KIAA1549L: variants seen among roughly 807,000 people sequenced by gnomAD.
KIAA1549L encodes UPF0606 protein KIAA1549L.
In KIAA1549L, 88 loss-of-function variants were observed where a neutral mutation model predicts 160.7. The observed-to-expected ratio is 0.55, with a 90% CI of 0.46 to 0.65. The LOEUF is 0.65. Ranked by LOEUF, KIAA1549L falls within the 30% of genes least tolerant of loss-of-function variation. The probability of loss-of-function intolerance (pLI) is 0.00; values close to 1 mark genes in which losing one functional copy is unlikely to be tolerated. For synonymous variants in KIAA1549L, 950 were observed against 976.7 expected (o/e 0.97, Z 0.51); for missense variants, 2,258 against 2,437.5 (o/e 0.93, Z 1.55).
At chr11:33,391,617 T>C (rs1590214871) in intron 1 of KIAA1549L, among the ~76,000 whole-genome samples, 1 of 152,206 alleles carries the variant, frequency 6.6e-6, no homozygotes, top group Non-Finnish European at 1.5e-5. Context: ...GAGTCTTGGC[T>C]TCAGTGTGCT....
At chr11:33,401,982 C>T (rs1850510509) in intron 1 of KIAA1549L, among the ~76,000 whole-genome samples, 1 of 152,224 alleles carries the variant, frequency 6.6e-6, no homozygotes, top group Non-Finnish European at 1.5e-5. Context: ...TCCCTCTGCT[C>T]CAGCCAGTTG....
At chr11:33,462,704 T>G (rs1385832680) in intron 1 of KIAA1549L, among the ~76,000 whole-genome samples, 2 of 152,212 alleles carry the variant, frequency 1.3e-5, no homozygotes, top group Non-Finnish European at 2.9e-5. Flanking sequence ...TTAACTTCCC[T>G]GTTTTCCAGT....
At chr11:33,581,849 A>G (rs1855655006) in intron 10 of KIAA1549L, among the ~76,000 whole-genome samples, 1 of 152,230 alleles carries the variant, frequency 6.6e-6, no homozygotes, top group African/African-American at 2.4e-5. Context: ...CTGTTTATGT[A>G]AATGAAGGTG....
chr11:33,605,348 CA>C (rs779762951), intron 13 of KIAA1549L, among the ~76,000 whole-genome samples: 1 of 152,084 alleles, frequency 6.6e-6, no homozygotes, highest in South Asian at 2.1e-4. Flanking sequence ...GCTTGTATAG[CA>C]AGTGTCCAGG....
In KIAA1549L at chr11:33,668,109, C is replaced by A. The variant is rs771446367; in HGVS notation, c.6396C>A (p.Ala2132=). Residue 2132 remains alanine, a synonymous_variant, in exon 21 of 21, where the codon GCC becomes GCA. Transcript: ENST00000658780. ...ALVKAIREEV[A]KLAKKQTDMF... is the part of the protein sequence containing the mutation. ...TGAAGGCCATCCGGGAGGAGGTGGC[C>A]AAGCTGGCCAAAAAACAGACAGACA... is the stretch of plus-strand genomic sequence containing the variant. 1 of 1,613,932 alleles carries A rather than the reference C, an allele frequency of 6.2e-7. No individual in the cohort carries two copies. Among genetic ancestry groups the A allele is most frequent in the Non-Finnish European group, 8.5e-7 (1 of 1,179,868 alleles).
At chr11:33,475,078 T>C (rs77305722) in intron 1 of KIAA1549L, among the ~76,000 whole-genome samples, 3,181 of 152,208 alleles carry the variant, frequency 0.021, 102 homozygotes, top group African/African-American at 0.069. Context: ...AAGCAGCGAG[T>C]GTGCAAAAGA....
At chr11:33,531,323 A>C (rs1238274929) in intron 1 of KIAA1549L, among the ~76,000 whole-genome samples, 2 of 152,056 alleles carry the variant, frequency 1.3e-5, no homozygotes, top group African/African-American at 4.8e-5. Context: ...AAATACAAAA[A>C]ATTTAGCCAG....
chr11:33,394,414 TAAATAAACAAACAA>T (rs1850330539), intron 1 of KIAA1549L, among the ~76,000 whole-genome samples: 2 of 25,794 alleles, frequency 7.8e-5, no homozygotes, highest in Non-Finnish European at 2.5e-4. Flanking sequence ...AATAAATAAA[TAAATAAACAAACAA>T]TAAACAATAA....
chr11:33,553,725 A>C (rs776149681), intron 6 of KIAA1549L, among the ~76,000 whole-genome samples: 1 of 152,190 alleles, frequency 6.6e-6, no homozygotes, highest in Non-Finnish European at 1.5e-5. Flanking sequence ...GCATGAGCCT[A>C]GTTAGATCTT....
In KIAA1549L at chr11:33,656,057, C is replaced by A. The variant is rs1852053276; in HGVS notation, c.5806C>A (p.Pro1936Thr). The A allele has an allele frequency of 6.2e-7, 1 of 1,613,876 alleles. No individual in the cohort carries two copies. The highest frequency in any genetic ancestry group is 8.5e-7 in the Non-Finnish European group (1 of 1,179,884). Residue 1936 changes from proline to threonine, a missense_variant, in exon 18 of 21, where the codon CCT (proline) becomes ACT (threonine). Pro to Thr is a conservative substitution (Grantham distance 38, BLOSUM62 -1). This residue lies in a region of KIAA1549L where 1,359 missense variants were observed against 1,546.6 expected (regional missense o/e 0.88). Coordinates refer to ENST00000658780, the MANE Select transcript of KIAA1549L (RefSeq NM_012194.3). ...TCCTGAGATGGTCATGGGCTCACCG[C>A]CTCCACCCGTACCTCCCCGGACTGG... ...QLPEMVMGSP[P>T]PPVPPRTGPV...
At chr11:33,455,701 A>C (rs1042210439) in intron 1 of KIAA1549L, among the ~76,000 whole-genome samples, 1 of 152,204 alleles carries the variant, frequency 6.6e-6, no homozygotes, top group African/African-American at 2.4e-5. Context: ...GGGCCCTCTG[A>C]GAGACATTTT....
At chr11:33,561,428 G>C (rs1322185840) in intron 7 of KIAA1549L, among the ~76,000 whole-genome samples, 1 of 152,122 alleles carries the variant, frequency 6.6e-6, no homozygotes, top group Non-Finnish European at 1.5e-5. Flanking sequence ...CACAAAGCAG[G>C]ATTTAGCCGC....
chr11:33,574,679 C>G, intron 9 of KIAA1549L, 23 bp from the exon 10 acceptor site: 3 of 1,600,642 alleles, frequency 1.9e-6, no homozygotes, highest in Non-Finnish European at 2.6e-6. Flanking sequence ...CCTGCAAACA[C>G]TCGGCCTCTC....
rs367624101 is a variant in KIAA1549L, at chr11:33,553,219, C to G, written c.3855+978C>G. ...CTCCATATATTGCCTAAGCTGGTCT[C>G]TAACTCCTGGGCTCAAGCAATTCTC... On this transcript the variant is annotated intron_variant, in intron 6 of 20. Coordinates refer to ENST00000658780, the MANE Select transcript of KIAA1549L (RefSeq NM_012194.3). 1.7e-3 allele frequency among the ~76,000 whole-genome samples: 252 copies of G among 152,182 alleles called. 10 individuals carry two copies. The South Asian group carries it at 0.05, about 30-fold the overall frequency.
chr11:33,572,610 A>T (rs1478748048), intron 9 of KIAA1549L, among the ~76,000 whole-genome samples: 1 of 152,178 alleles, frequency 6.6e-6, no homozygotes, highest in African/African-American at 2.4e-5. Context: ...TTTGACATTC[A>T]TCCATGTTGT....
At position 33,669,387 on chromosome 11, in the gene KIAA1549L, G is replaced by A. The variant is rs1423911426; in HGVS notation, c.*1233G>A. ...TCCAGAGCTGTGGGTAGAGGACATC[G>A]CCTCACGGCACTGAGGCACCAGCCG... is the stretch of plus-strand genomic sequence containing the variant. On this transcript the variant is annotated 3_prime_UTR_variant, in exon 21 of 21. Coordinates refer to ENST00000658780, the MANE Select transcript of KIAA1549L (RefSeq NM_012194.3). The A allele has an allele frequency of 2.6e-5, 4 of 152,198 alleles. No homozygotes were observed. The highest frequency in any genetic ancestry group is 2.1e-4 in the South Asian group (1 of 4,832). 9.4% of individuals were successfully genotyped at this position (152,198 alleles called of 1,614,324 possible).
At chr11:33,547,210 A>C (rs1215598485) in intron 3 of KIAA1549L, among the ~76,000 whole-genome samples, 3 of 152,160 alleles carry the variant, frequency 2.0e-5, no homozygotes, top group Non-Finnish European at 2.9e-5. Flanking sequence ...TCCTATGGAA[A>C]TTTTCCCTGA....
chr11:33,542,668 G>T lies in KIAA1549L; in HGVS notation c.1105G>T (p.Asp369Tyr). ...ACTTGGAAGTCTTCTTCAGCTTCCAGATGGAAGCCCCTCATGGTCAATGTT... is the reference window on the plus strand; with the variant it reads ...ACTTGGAAGTCTTCTTCAGCTTCCATATGGAAGCCCCTCATGGTCAATGTT... The part of the protein sequence containing the change: ...PALGSLLQLP[D>Y]GSPSWSMLEV... Residue 369 changes from aspartate to tyrosine, a missense_variant, in exon 2 of 21, where the codon GAT (aspartate) becomes TAT (tyrosine). Asp to Tyr is a radical substitution (Grantham distance 160). This residue lies in a region of KIAA1549L where 540 missense variants were observed against 465.7 expected (regional missense o/e 1.16). Transcript: ENST00000658780. 6.2e-7 allele frequency: 1 copy of T among 1,613,828 alleles called. No homozygotes were observed. The highest frequency in any genetic ancestry group is 8.5e-7 in the Non-Finnish European group (1 of 1,179,818).
At chr11:33,408,510 T>TAC (rs35886017) in intron 1 of KIAA1549L, among the ~76,000 whole-genome samples, 15,639 of 145,820 alleles carry the variant, frequency 0.11, 965 homozygotes, top group East Asian at 0.18. Context: ...TATATATATA[T>TAC]ACACATGTAT....
Sources: gnomAD v4.1 joint callset for allele counts (sites outside exome capture counted in the v4.1 genomes callset) on GRCh38, gnomAD v4.1.1 for gene constraint, gnomAD v4.1.1 regional missense constraint, MANE v1.5 for transcripts, NCBI Gene and HGNC (gene_info 2026-07-23, HGNC 2026-07-21) for gene names.